SMYD3: variants seen among roughly 807,000 people sequenced by gnomAD.
SMYD3 encodes SET and MYND domain containing 3.
In SMYD3, 36 loss-of-function variants were observed where a neutral mutation model predicts 57.7. The ratio of observed to expected loss-of-function variants is 0.62; its 90% CI spans 0.48 to 0.82. The LOEUF is 0.82. Among genes scored for constraint, SMYD3 ranks in the 40% least tolerant of loss-of-function variants. SMYD3 has a pLI of 0.00. For missense variants in SMYD3, 515 were observed against 538.8 expected, an observed-to-expected ratio of 0.96 and a Z score of 0.44; for synonymous variants, 211 against 195.0, an observed-to-expected ratio of 1.08 and a Z score of -0.68.
At chr1:245,825,806 A>G (rs533309400) in intron 10 of SMYD3, among the ~76,000 whole-genome samples, 17 of 151,388 alleles carry the variant, frequency 1.1e-4, no homozygotes, top group African/African-American at 3.9e-4. Flanking sequence ...AATTATTCCT[A>G]TTTTACATCT....
At chr1:246,045,794 C>A (rs1279102623) in intron 5 of SMYD3, among the ~76,000 whole-genome samples, 1 of 152,002 alleles carries the variant, frequency 6.6e-6, no homozygotes, top group East Asian at 1.9e-4. Flanking sequence ...AAAAATCAAC[C>A]CCATCAAAAA....
At chr1:246,329,786 T>C (rs935265838) in intron 4 of SMYD3, among the ~76,000 whole-genome samples, 3 of 152,174 alleles carry the variant, frequency 2.0e-5, no homozygotes, top group Admixed American at 6.5e-5. Flanking sequence ...CCCACAACCT[T>C]ATATAAATCT....
At chr1:246,341,942 T>A (rs2065638862) in intron 2 of SMYD3, among the ~76,000 whole-genome samples, 1 of 152,188 alleles carries the variant, frequency 6.6e-6, no homozygotes, top group South Asian at 2.1e-4. Flanking sequence ...GCTCACTAGG[T>A]ATTTATTCCA....
At chr1:245,814,116 G>A (rs2048653611) in intron 10 of SMYD3, among the ~76,000 whole-genome samples, 1 of 151,834 alleles carries the variant, frequency 6.6e-6, no homozygotes, top group Non-Finnish European at 1.5e-5. Flanking sequence ...GCTACAAAAG[G>A]GATCCTAAGT....
At chr1:245,930,536 A>G (rs1331598257) in intron 5 of SMYD3, 4 of 182,434 alleles carry the variant, frequency 2.2e-5, no homozygotes, top group African/African-American at 9.6e-5. Flanking sequence ...TTATGCAGGG[A>G]CGGAGCAGAA....
chr1:245,994,516 A>T (rs2058884030), intron 5 of SMYD3, among the ~76,000 whole-genome samples: 3 of 152,154 alleles, frequency 2.0e-5, no homozygotes, highest in African/African-American at 7.2e-5. Context: ...ACCCTCTGAA[A>T]TAAGCATTTT....
At chr1:245,811,472 T>C (rs1305074801) in intron 10 of SMYD3, among the ~76,000 whole-genome samples, 4 of 152,226 alleles carry the variant, frequency 2.6e-5, no homozygotes, top group African/African-American at 7.2e-5. Flanking sequence ...TTGGGTTTCT[T>C]AGCACTATAC....
intron 5 of SMYD3, among the ~76,000 whole-genome samples, chr1:245,978,364 A>G (rs978152198): frequency 2.0e-5 from 3 of 152,228 alleles, no homozygotes; most frequent in Non-Finnish European, 4.4e-5. Flanking sequence ...ACTCAGTAGA[A>G]ATTAACCACA....
chr1:245,946,941 GT>G lies in SMYD3; in HGVS notation c.532-17005del, dbSNP rs367975508. On this transcript the variant is annotated intron_variant, in intron 5 of 11. Transcript: ENST00000490107. Reference sequence around the variant, plus strand: ...TCCTGACTATTGGCCATATTTCTTTGTTAAGTCACTCTGTCAAAACATAAGT... The same window carrying G: ...TCCTGACTATTGGCCATATTTCTTTGTAAGTCACTCTGTCAAAACATAAGT... Among the ~76,000 whole-genome samples, 606 of 152,188 alleles carry G rather than the reference GT, an allele frequency of 4.0e-3. 4 individuals are homozygous for G. Among genetic ancestry groups the G allele is most frequent in the African/African-American group, 0.014 (580 of 41,526 alleles).
chr1:246,224,998 C>G (rs1385597829), intron 5 of SMYD3, among the ~76,000 whole-genome samples: 1 of 151,882 alleles, frequency 6.6e-6, no homozygotes, highest in African/African-American at 2.4e-5. Flanking sequence ...CAGTAGATGG[C>G]TGGACATACG....
intron 8 of SMYD3, among the ~76,000 whole-genome samples, chr1:245,873,807 G>A (rs1302656989): frequency 6.6e-6 from 1 of 152,240 alleles, no homozygotes; most frequent in Non-Finnish European, 1.5e-5. Flanking sequence ...CTGTTGGCAT[G>A]TAAGACTGTG....
intron 1 of SMYD3, among the ~76,000 whole-genome samples, chr1:246,483,071 G>C (rs1475872262): frequency 6.6e-6 from 1 of 152,180 alleles, no homozygotes; most frequent in Non-Finnish European, 1.5e-5. Context: ...TGCAGACTTA[G>C]AAAGGATTTA....
At chr1:246,503,460 T>A (rs914642695) in intron 1 of SMYD3, among the ~76,000 whole-genome samples, 1 of 152,328 alleles carries the variant, frequency 6.6e-6, no homozygotes, top group East Asian at 1.9e-4. Flanking sequence ...ACATCTCCCA[T>A]GTGGTAGGCC....
At chr1:245,752,877 GA>G (rs2045450085) in intron 11 of SMYD3, among the ~76,000 whole-genome samples, 1 of 152,184 alleles carries the variant, frequency 6.6e-6, no homozygotes, top group African/African-American at 2.4e-5. Context: ...CCTGGCTTGA[GA>G]GTTAGACTAA....
In SMYD3 at chr1:246,304,386, C is replaced by CT. The variant is rs2064944853; in HGVS notation, c.531+22814_531+22815insA. On this transcript the variant is annotated intron_variant, in intron 5 of 11. Transcript: ENST00000490107. ...CAGTTTAAAAAACTAGTTCAAAGCA[C>CT]ATTGTAAAAATAATAAACATGAAAG... 2.0e-5 allele frequency among the ~76,000 whole-genome samples: 3 copies of CT among 152,210 alleles called. No individual in the cohort carries two copies. In the South Asian group the frequency reaches 6.2e-4, roughly 32 times the overall value.
At chr1:245,907,489 A>T (rs1429602248) in intron 8 of SMYD3, among the ~76,000 whole-genome samples, 2 of 152,238 alleles carry the variant, frequency 1.3e-5, no homozygotes, top group Non-Finnish European at 2.9e-5. Context: ...TATATCCAGC[A>T]GCAAAAGGAC....
chr1:245,877,944 C>T (rs953327664), intron 8 of SMYD3, among the ~76,000 whole-genome samples: 3 of 152,090 alleles, frequency 2.0e-5, no homozygotes, highest in South Asian at 2.1e-4. Flanking sequence ...CCCAATCCAA[C>T]GGGGCCCAAG....
chr1:246,328,129 G>A lies in SMYD3; in HGVS notation c.395-792C>T, dbSNP rs377044978. Among the ~76,000 whole-genome samples, 15 of 152,210 alleles carry A rather than the reference G, an allele frequency of 9.9e-5. No homozygotes were observed. In the East Asian group the frequency reaches 2.1e-3, roughly 22 times the overall value. On this transcript the variant is annotated intron_variant, in intron 4 of 11. Coordinates refer to ENST00000490107, the MANE Select transcript of SMYD3 (RefSeq NM_001167740.2). Reference sequence around the variant, plus strand: ...GAATCACTTGAACCCAGGAGGTGGCGGTTGCAGTGAGCCAACATCGCGCCA... The same window carrying A: ...GAATCACTTGAACCCAGGAGGTGGCAGTTGCAGTGAGCCAACATCGCGCCA...
intron 10 of SMYD3, among the ~76,000 whole-genome samples, chr1:245,777,315 G>T (rs2046645090): frequency 6.6e-6 from 1 of 152,174 alleles, no homozygotes; most frequent in Non-Finnish European, 1.5e-5. Flanking sequence ...CTTGTCCATA[G>T]AAAATGAGTA....
Sources: allele counts gnomAD v4.1 joint callset (sites outside exome capture counted in the v4.1 genomes callset), GRCh38; gene constraint gnomAD v4.1.1; transcripts MANE v1.5; gene names NCBI Gene and HGNC (gene_info 2026-07-23, HGNC 2026-07-21).